COP1: variants seen among roughly 807,000 people sequenced by gnomAD.
COP1 encodes COP1 E3 ubiquitin ligase, also known as E3 ubiquitin-protein ligase COP1.
A neutral mutation model predicts 101.3 loss-of-function variants in COP1; 24 were observed. That is an observed-to-expected ratio of 0.24 (90% CI 0.17 to 0.33). The LOEUF (loss-of-function observed/expected upper bound fraction) is 0.33. COP1 is among the 10% of genes least tolerant of loss of function. The probability of loss-of-function intolerance (pLI) is 1.00; values close to 1 mark genes in which losing one functional copy is unlikely to be tolerated. For synonymous variants in COP1, 347 were observed against 341.9 expected, an observed-to-expected ratio of 1.01 and a Z score of -0.17; for missense variants, 663 against 906.2, an observed-to-expected ratio of 0.73 and a Z score of 3.45.
At chr1:175,974,283 C>T (rs1425346405) in intron 18 of COP1, among the ~76,000 whole-genome samples, 1 of 152,162 alleles carries the variant, frequency 6.6e-6, no homozygotes, top group Non-Finnish European at 1.5e-5. Flanking sequence ...TGGTTAGATA[C>T]ATACATACTG....
At chr1:175,954,557 A>G (rs1184241352) in intron 18 of COP1, among the ~76,000 whole-genome samples, 1 of 152,186 alleles carries the variant, frequency 6.6e-6, no homozygotes, top group Non-Finnish European at 1.5e-5. Flanking sequence ...AAATTATGGG[A>G]TATCACTAGA....
chr1:176,117,038 C>G (rs1247334212), intron 8 of COP1, among the ~76,000 whole-genome samples: 1 of 152,122 alleles, frequency 6.6e-6, no homozygotes, highest in African/African-American at 2.4e-5. Flanking sequence ...GAAAAGAGCA[C>G]AAGCATGCAA....
At chr1:176,178,133 C>G (rs538321606) in intron 2 of COP1, among the ~76,000 whole-genome samples, 11 of 152,126 alleles carry the variant, frequency 7.2e-5, no homozygotes, top group African/African-American at 2.7e-4. Context: ...AAATAACATA[C>G]TAAATCTTTA....
At chr1:176,155,343 GTAAA>G (rs1225275024) in intron 5 of COP1, among the ~76,000 whole-genome samples, 1 of 151,594 alleles carries the variant, frequency 6.6e-6, no homozygotes, top group Non-Finnish European at 1.5e-5. Context: ...AATTTTATAA[GTAAA>G]TAAATATAAA....
At chr1:176,058,013 G>A (rs1189640665) in intron 11 of COP1, among the ~76,000 whole-genome samples, 2 of 84,602 alleles carry the variant, frequency 2.4e-5, no homozygotes, top group South Asian at 4.6e-4. Flanking sequence ...GAGCCCCTCC[G>A]CCCGGCAGCC....
At chr1:176,101,276 A>G (rs1164715970) in intron 9 of COP1, among the ~76,000 whole-genome samples, 1 of 152,112 alleles carries the variant, frequency 6.6e-6, no homozygotes, top group Admixed American at 6.6e-5. Flanking sequence ...CCCTCCCTCA[A>G]ATACTCCAGG....
At chr1:176,172,015 A>G (rs1488724341) in intron 3 of COP1, among the ~76,000 whole-genome samples, 1 of 152,200 alleles carries the variant, frequency 6.6e-6, no homozygotes, top group Non-Finnish European at 1.5e-5. Context: ...AATCATTTTT[A>G]TAATACTCTA....
intron 8 of COP1, 45 bp downstream of exon 8, chr1:176,134,965 C>T: frequency 7.0e-7 from 1 of 1,426,322 alleles, no homozygotes; most frequent in Non-Finnish European, 9.9e-7. Context: ...CATATGCATA[C>T]TTTGTAATAT....
rs189712310 is a variant in COP1, at chr1:176,202,674, A to C, written c.407+3898T>G. 9.0e-3 allele frequency among the ~76,000 whole-genome samples: 1,376 copies of C among 152,082 alleles called. 24 individuals carry two copies. The highest frequency in any genetic ancestry group is 0.031 in the African/African-American group (1,282 of 41,496). ...ATAGGGAGAGCCCTGTCTCAAAAAA[A>C]GGAAAAAAAAAATTGGAAACCAGTT... On this transcript the variant is annotated intron_variant, in intron 1 of 19. Coordinates refer to ENST00000367669, the MANE Select transcript of COP1 (RefSeq NM_022457.7).
chr1:176,098,272 A>G (rs557856350), intron 9 of COP1, among the ~76,000 whole-genome samples: 2 of 152,338 alleles, frequency 1.3e-5, no homozygotes, highest in South Asian at 2.1e-4. Flanking sequence ...TTTTAAAGGT[A>G]AAATTGCTAA....
chr1:176,151,321 A>T (rs1029698908), intron 5 of COP1, among the ~76,000 whole-genome samples: 16 of 142,392 alleles, frequency 1.1e-4, no homozygotes, highest in African/African-American at 4.3e-4. Flanking sequence ...GAAAGAAAGA[A>T]GGAAAGAAAG....
At chr1:176,097,931 A>T (rs910355125) in intron 9 of COP1, among the ~76,000 whole-genome samples, 1 of 152,024 alleles carries the variant, frequency 6.6e-6, no homozygotes, top group Non-Finnish European at 1.5e-5. Flanking sequence ...CTTTGATCAA[A>T]TGTTTTTTAA....
chr1:176,098,440 A>G (rs1487264352), intron 9 of COP1, among the ~76,000 whole-genome samples: 2 of 152,188 alleles, frequency 1.3e-5, no homozygotes, highest in African/African-American at 4.8e-5. Flanking sequence ...GATAAAGCTA[A>G]AAGTTTAACA....
chr1:176,005,319 A>ATT (rs1662856168), intron 15 of COP1, among the ~76,000 whole-genome samples: 4 of 150,986 alleles, frequency 2.6e-5, no homozygotes, highest in Admixed American at 6.6e-5. Context: ...GGATTCCTTA[A>ATT]TTTTTGTAGG....
At chr1:176,204,566 A>C (rs897280365) in intron 1 of COP1, among the ~76,000 whole-genome samples, 2 of 152,144 alleles carry the variant, frequency 1.3e-5, no homozygotes, top group East Asian at 3.8e-4. Context: ...CTCATTAATT[A>C]ATTCTTCTGA....
intron 5 of COP1, among the ~76,000 whole-genome samples, chr1:176,154,848 T>C (rs538128802): frequency 1.2e-4 from 18 of 152,102 alleles, no homozygotes; most frequent in South Asian, 4.1e-4. Flanking sequence ...GGAAAGAAAA[T>C]TGAAAAATCC....
chr1:176,171,626 T>C lies in COP1; in HGVS notation c.565+4284A>G, dbSNP rs541476944. On this transcript the variant is annotated intron_variant, in intron 3 of 19. Coordinates refer to ENST00000367669, the MANE Select transcript of COP1 (RefSeq NM_022457.7). ...CACACAGAGATATGAAGTGAGCACATGGTAGTGGAAAAGTGGCATCAAGAG... is the reference window on the plus strand; with the variant it reads ...CACACAGAGATATGAAGTGAGCACACGGTAGTGGAAAAGTGGCATCAAGAG... 5.9e-5 allele frequency among the ~76,000 whole-genome samples: 9 copies of C among 152,276 alleles called. No individual in the cohort carries two copies. In the East Asian group the frequency reaches 1.7e-3, roughly 29 times the overall value.
In COP1 at chr1:176,060,897, G is replaced by T. The variant is rs1056631357; in HGVS notation, c.1278-14573C>A. Among the ~76,000 whole-genome samples the T allele has an allele frequency of 3.3e-5, 5 of 152,204 alleles. No homozygotes were observed. In the East Asian group the frequency reaches 7.7e-4, roughly 23 times the overall value. ...ACTGAAGAAAAATATTTTAAAAAATGTGAGTTTTACCAGATAAATCCCTTC... is the reference window on the plus strand; with the variant it reads ...ACTGAAGAAAAATATTTTAAAAAATTTGAGTTTTACCAGATAAATCCCTTC... On this transcript the variant is annotated intron_variant, in intron 11 of 19. Transcript: ENST00000367669.
In COP1 at chr1:176,046,276, T is replaced by C; in HGVS notation, c.1326A>G (p.Thr442=). Residue 442 remains threonine, a synonymous_variant, in exon 12 of 20, where the codon ACA becomes ACG. Coordinates refer to ENST00000367669, the MANE Select transcript of COP1 (RefSeq NM_022457.7). ...DCDYFAIAGV[T]KKIKVYEYDT... ...CATATTCATAGACTTTAATCTTCTTTGTAACTCCAGCAATCGCAAAATAGT... is the reference window on the plus strand; with the variant it reads ...CATATTCATAGACTTTAATCTTCTTCGTAACTCCAGCAATCGCAAAATAGT... 1 of 1,611,548 alleles carries C rather than the reference T, an allele frequency of 6.2e-7. No homozygotes were observed. The highest frequency in any genetic ancestry group is 8.5e-7 in the Non-Finnish European group (1 of 1,178,998).
Sources: gnomAD v4.1 joint callset for allele counts (sites outside exome capture counted in the v4.1 genomes callset) on GRCh38, gnomAD v4.1.1 for gene constraint, MANE v1.5 for transcripts, NCBI Gene and HGNC (gene_info 2026-07-23, HGNC 2026-07-21) for gene names.